NXPH1: variants seen among roughly 807,000 people sequenced by gnomAD.
The protein encoded by NXPH1 is neurexophilin-1.
A neutral mutation model predicts 23.7 loss-of-function variants in NXPH1; 5 were observed. That is an observed-to-expected ratio of 0.21 (90% CI 0.11 to 0.44). NXPH1 has a LOEUF of 0.44. Ranked by LOEUF, NXPH1 falls within the 20% of genes least tolerant of loss-of-function variation. NXPH1 has a pLI of 0.99. For missense variants in NXPH1, 324 were observed against 321.6 expected, an observed-to-expected ratio of 1.01 and a Z score of -0.06; for synonymous variants, 144 against 122.2, an observed-to-expected ratio of 1.18 and a Z score of -1.18.
At position 8,734,747 on chromosome 7, in the gene NXPH1, T is replaced by G. The variant is rs1583252899; in HGVS notation, c.55-16261T>G. Among the ~76,000 whole-genome samples the G allele has an allele frequency of 1.3e-5, 2 of 152,300 alleles. 1 individual carries two copies. The highest frequency in any genetic ancestry group is 4.1e-4 in the South Asian group (2 of 4,826). ...GCTGAGTTCAAGTCCTGAATAGCCTTGTTAATTTTCTGTCTCATTGATCTG... is the reference window on the plus strand; with the variant it reads ...GCTGAGTTCAAGTCCTGAATAGCCTGGTTAATTTTCTGTCTCATTGATCTG... On this transcript the variant is annotated intron_variant, in intron 2 of 2. Transcript: ENST00000405863.
intron 2 of NXPH1, among the ~76,000 whole-genome samples, chr7:8,694,392 G>T (rs972375634): frequency 3.9e-5 from 6 of 152,184 alleles, no homozygotes; most frequent in Admixed American, 3.9e-4. Flanking sequence ...ATAGCTCAGT[G>T]CTTTTGGGGG....
intron 2 of NXPH1, among the ~76,000 whole-genome samples, chr7:8,494,951 T>C (rs567714572): frequency 1.3e-5 from 2 of 152,080 alleles, no homozygotes; most frequent in African/African-American, 4.8e-5. Flanking sequence ...GTTAAGTTCA[T>C]GCTTTTATTT....
At chr7:8,619,543 A>G (rs899308406) in intron 2 of NXPH1, among the ~76,000 whole-genome samples, 1 of 152,136 alleles carries the variant, frequency 6.6e-6, no homozygotes. Flanking sequence ...GGCTAACCTC[A>G]TTTTACCCAT....
intron 2 of NXPH1, among the ~76,000 whole-genome samples, chr7:8,557,647 G>T (rs1462232740): frequency 3.3e-5 from 5 of 151,506 alleles, no homozygotes; most frequent in Non-Finnish European, 5.9e-5. Context: ...TTCCTTTAAT[G>T]GTATTTTGAG....
chr7:8,503,854 T>C (rs1471791522), intron 2 of NXPH1, among the ~76,000 whole-genome samples: 1 of 151,992 alleles, frequency 6.6e-6, no homozygotes, highest in African/African-American at 2.4e-5. Flanking sequence ...CCTGGTCACA[T>C]CACCACTCTC....
intron 2 of NXPH1, among the ~76,000 whole-genome samples, chr7:8,695,641 G>C (rs983248385): frequency 1.2e-4 from 18 of 152,220 alleles, no homozygotes; most frequent in African/African-American, 4.1e-4. Context: ...GATATTTCTT[G>C]GTTCTGGTCT....
chr7:8,636,544 A>G (rs897494163), intron 2 of NXPH1, among the ~76,000 whole-genome samples: 19 of 152,204 alleles, frequency 1.2e-4, no homozygotes, highest in African/African-American at 4.6e-4. Context: ...AGGGCAAACC[A>G]AGGATAGCAA....
At chr7:8,629,531 T>C (rs940344790) in intron 2 of NXPH1, among the ~76,000 whole-genome samples, 4 of 152,162 alleles carry the variant, frequency 2.6e-5, no homozygotes, top group African/African-American at 9.6e-5. Context: ...TTAAAAATAA[T>C]GCAAACTGAT....
At chr7:8,699,607 G>C (rs1317718660) in intron 2 of NXPH1, among the ~76,000 whole-genome samples, 1 of 152,132 alleles carries the variant, frequency 6.6e-6, no homozygotes, top group Non-Finnish European at 1.5e-5. Flanking sequence ...CAACAGTTAA[G>C]AAAGATAGTT....
At chr7:8,709,732 CTTTATAG>C (rs1030670477) in intron 2 of NXPH1, among the ~76,000 whole-genome samples, 1 of 152,114 alleles carries the variant, frequency 6.6e-6, no homozygotes, top group African/African-American at 2.4e-5. Flanking sequence ...TCTGTTAAGT[CTTTATAG>C]ATAAATTATT....
intron 2 of NXPH1, among the ~76,000 whole-genome samples, chr7:8,687,866 A>T (rs1821170927): frequency 6.6e-6 from 1 of 152,124 alleles, no homozygotes; most frequent in African/African-American, 2.4e-5. Flanking sequence ...GTCAGACTTA[A>T]CAAAAATGTT....
chr7:8,703,394 C>T (rs974253826), intron 2 of NXPH1, among the ~76,000 whole-genome samples: 1 of 152,110 alleles, frequency 6.6e-6, no homozygotes, highest in Non-Finnish European at 1.5e-5. Context: ...TATATGCACG[C>T]TATTGAAATA....
intron 2 of NXPH1, among the ~76,000 whole-genome samples, chr7:8,637,348 C>T (rs750866261): frequency 8.6e-5 from 13 of 151,936 alleles, no homozygotes; most frequent in Admixed American, 2.6e-4. Context: ...CCAGCTTCTT[C>T]AGTAGCTGGG....
At chr7:8,739,068 G>C (rs1020014257) in intron 2 of NXPH1, among the ~76,000 whole-genome samples, 2 of 151,462 alleles carry the variant, frequency 1.3e-5, no homozygotes, top group Non-Finnish European at 2.9e-5. Flanking sequence ...GGGCTCCTTG[G>C]GGGTGGGATC....
intron 2 of NXPH1, among the ~76,000 whole-genome samples, chr7:8,703,468 G>C (rs2115191222): frequency 6.6e-6 from 1 of 152,198 alleles, no homozygotes; most frequent in African/African-American, 2.4e-5. Flanking sequence ...ATCAGGAGTA[G>C]TCACAGAAAA....
At chr7:8,556,740 A>G (rs748197358) in intron 2 of NXPH1, among the ~76,000 whole-genome samples, 9 of 151,724 alleles carry the variant, frequency 5.9e-5, no homozygotes, top group Non-Finnish European at 8.9e-5. Flanking sequence ...TACTGATAAA[A>G]CTACTACACA....
intron 2 of NXPH1, among the ~76,000 whole-genome samples, chr7:8,598,908 G>A (rs114316261): frequency 0.012 from 1,901 of 152,204 alleles, 36 homozygotes; most frequent in African/African-American, 0.041. Flanking sequence ...GGTTATGTCT[G>A]TAGCAATGCA....
At chr7:8,674,028 G>T (rs933684419) in intron 2 of NXPH1, among the ~76,000 whole-genome samples, 1 of 152,040 alleles carries the variant, frequency 6.6e-6, no homozygotes, top group African/African-American at 2.4e-5. Context: ...TGTCTACTTG[G>T]TTTGCAAATA....
chr7:8,480,532 TCGTTGTCA>T (rs1257712980), intron 2 of NXPH1, among the ~76,000 whole-genome samples: 1 of 152,164 alleles, frequency 6.6e-6, no homozygotes, highest in Admixed American at 6.6e-5. Context: ...TGACATAGGC[TCGTTGTCA>T]CCAGTGAGAA....
Sources: gnomAD v4.1 joint callset for allele counts (sites outside exome capture counted in the v4.1 genomes callset) on GRCh38, gnomAD v4.1.1 for gene constraint, MANE v1.5 for transcripts, NCBI Gene and HGNC (gene_info 2026-07-23, HGNC 2026-07-21) for gene names.